CACNA2D4: variants seen among roughly 807,000 people sequenced by gnomAD.
CACNA2D4 encodes calcium voltage-gated channel auxiliary subunit alpha2delta 4.
In CACNA2D4, 157 loss-of-function variants were observed where a neutral mutation model predicts 163.8. The ratio of observed to expected loss-of-function variants is 0.96; its 90% confidence interval spans 0.84 to 1.09. The LOEUF (loss-of-function observed/expected upper bound fraction) is 1.09, where lower values mean the gene tolerates loss of function less well. CACNA2D4 is among the 50% of genes least tolerant of loss of function. The pLI is 0.00. For synonymous variants in CACNA2D4, 598 were observed against 586.9 expected (o/e 1.02, Z -0.27); for missense variants, 1,410 against 1,479.9 (o/e 0.95, Z 0.78).
At chr12:1,849,756 C>T (rs1865232459) in intron 23 of CACNA2D4, among the ~76,000 whole-genome samples, 1 of 152,122 alleles carries the variant, frequency 6.6e-6, no homozygotes, top group Non-Finnish European at 1.5e-5. Flanking sequence ...TGTGTACATA[C>T]ATATACGCAT....
chr12:1,910,474 G>C (rs1280455668), intron 3 of CACNA2D4, among the ~76,000 whole-genome samples: 1 of 152,092 alleles, frequency 6.6e-6, no homozygotes, highest in African/African-American at 2.4e-5. Context: ...GGGGAAGGCT[G>C]TGGCAACAGG....
At position 1,800,419 on chromosome 12, in the gene CACNA2D4, G is replaced by A. The variant is rs371263217; in HGVS notation, c.2888C>T (p.Thr963Met). Residue 963 changes from threonine (T) to methionine (M), a missense_variant, in exon 32 of 38, where the codon ACG becomes ATG. Thr to Met is a moderately conservative substitution (Grantham distance 81). Coordinates refer to ENST00000382722, the MANE Select transcript of CACNA2D4 (RefSeq NM_172364.5). Reference sequence around the variant, plus strand: ...CTCCTGCAGCAGCCACCTGGTCGCCGTCAAGAAGGCAGAAATTGGCTGGGA... The same window carrying A: ...CTCCTGCAGCAGCCACCTGGTCGCCATCAAGAAGGCAGAAATTGGCTGGGA... ...PLVSPISAFLTATRWLLQELV... is the reference protein window; with the variant it reads ...PLVSPISAFLMATRWLLQELV... 58 of 1,613,740 alleles carry A rather than the reference G, an allele frequency of 3.6e-5. No homozygotes were observed. The highest frequency in any genetic ancestry group is 3.9e-5 in the Non-Finnish European group (46 of 1,179,858).
Position 1,831,398 on chromosome 12 carries a change from G to A in CACNA2D4, c.2551+9341C>T, listed in dbSNP as rs769368815. The A allele has an allele frequency of 2.1e-5, 34 of 1,614,116 alleles. 1 individual carries two copies. The highest frequency in any genetic ancestry group is 2.9e-5 in the Non-Finnish European group (34 of 1,180,034). On this transcript the variant is annotated intron_variant, in intron 26 of 37. Coordinates refer to ENST00000382722, the MANE Select transcript of CACNA2D4 (RefSeq NM_172364.5). ...TCTCGCTTCGCTCCAACCGTCTGCA[G>A]AATCTGGACCGGCTGACATTTGAAC... is the stretch of plus-strand genomic sequence containing the variant.
At chr12:1,853,561 T>A (rs1865335448) in intron 23 of CACNA2D4, among the ~76,000 whole-genome samples, 1 of 152,176 alleles carries the variant, frequency 6.6e-6, no homozygotes, top group African/African-American at 2.4e-5. Context: ...GCCACTCATC[T>A]TCTTTCTACC....
At chr12:1,795,884 G>C (rs1361011832) in intron 35 of CACNA2D4, 104 bp from the exon 36 acceptor site, 2 of 790,452 alleles carry the variant, frequency 2.5e-6, no homozygotes, top group Non-Finnish European at 4.4e-6. Context: ...GGGTGGCAGG[G>C]AAGCCCGGAA....
At chr12:1,814,724 G>A (rs1468567557) in intron 26 of CACNA2D4, among the ~76,000 whole-genome samples, 1 of 152,164 alleles carries the variant, frequency 6.6e-6, no homozygotes, top group Non-Finnish European at 1.5e-5. Context: ...CCTTGGCCAA[G>A]CCAACATTGC....
At chr12:1,900,374 A>G (rs1163817686) in intron 6 of CACNA2D4, among the ~76,000 whole-genome samples, 1 of 152,194 alleles carries the variant, frequency 6.6e-6, no homozygotes. Context: ...GGCTGAAGCA[A>G]TCCTCCTGAC....
In CACNA2D4 at chr12:1,855,739, G is replaced by T. The variant is rs1865385461; in HGVS notation, c.2152+273C>A. Among the ~76,000 whole-genome samples, 3 of 152,232 alleles carry T rather than the reference G, an allele frequency of 2.0e-5. No homozygotes were observed. The South Asian group carries it at 6.2e-4, about 31-fold the overall frequency. ...TTTCTCCTGACCCTTAACAGAGCTT[G>T]GTGGATAGAGGCTGAAAAAGATCCC... On this transcript the variant is annotated intron_variant, in intron 22 of 37. Coordinates refer to ENST00000382722, the MANE Select transcript of CACNA2D4 (RefSeq NM_172364.5).
At chr12:1,821,765 CG>C (rs1449027482) in intron 26 of CACNA2D4, among the ~76,000 whole-genome samples, 1 of 152,154 alleles carries the variant, frequency 6.6e-6, no homozygotes, top group African/African-American at 2.4e-5. Context: ...GACCAGGAGT[CG>C]GAAGTTCACA....
intron 1 of CACNA2D4, chr12:1,915,301 G>T (rs1400880925): frequency 7.1e-6 from 5 of 701,752 alleles, no homozygotes; most frequent in Admixed American, 2.0e-5. Context: ...TCCTCGGCAG[G>T]TTCTCCTGCT....
rs33972365 is a variant in CACNA2D4 at position 1,840,773 on chromosome 12, C to T, written c.2517G>A (p.Ala839=). ...PMVVTASTAV[A]VTVDKRTAIA... ...TGGCTGTCCTCTTGTCCACGGTCAC[C>T]GCCACAGCTGTGCTTGCCGTCACCA... The change falls in exon 26 of 38, where the codon GCG becomes GCA. Residue 839 remains alanine (A), a synonymous_variant. Transcript: ENST00000382722. 170,612 of 1,613,590 alleles carry T rather than the reference C, an allele frequency of 0.11. 10,238 individuals carry two copies. Among genetic ancestry groups the T allele is most frequent in the African/African-American group, 0.24 (17,769 of 74,972 alleles).
At chr12:1,905,242 T>C (rs1592747597) in intron 6 of CACNA2D4, among the ~76,000 whole-genome samples, 1 of 151,998 alleles carries the variant, frequency 6.6e-6, no homozygotes, top group African/African-American at 2.4e-5. Context: ...GAAAATCACA[T>C]CCCAAATATC....
At chr12:1,870,128 C>T (rs960040011) in intron 18 of CACNA2D4, among the ~76,000 whole-genome samples, 1 of 152,150 alleles carries the variant, frequency 6.6e-6, no homozygotes, top group South Asian at 2.1e-4. Context: ...TCTGTGCTTT[C>T]AAAGGAAATC....
Position 1,800,553 on chromosome 12 carries a change from G to A in CACNA2D4, c.2869-115C>T, listed in dbSNP as rs777674053. ...AGAGAGTGGGCTGCCCTGCCACTGG[G>A]AGCAGGGGCAGCAGAGCACAGGCCA... is the stretch of plus-strand genomic sequence containing the variant. On this transcript the variant is annotated intron_variant, in intron 31 of 37. Coordinates refer to ENST00000382722, the MANE Select transcript of CACNA2D4 (RefSeq NM_172364.5). The A allele has an allele frequency of 1.3e-5, 13 of 1,031,572 alleles. No individual in the cohort carries two copies. In the African/African-American group the frequency reaches 2.1e-4, roughly 16 times the overall value. 63.9% of individuals were successfully genotyped at this position (1,031,572 alleles called of 1,614,324 possible). A position where few individuals can be genotyped will look rare whatever the true frequency, so the allele number is the denominator to read the frequency against.
At chr12:1,876,240 C>T (rs918632979) in intron 16 of CACNA2D4, among the ~76,000 whole-genome samples, 2 of 152,190 alleles carry the variant, frequency 1.3e-5, no homozygotes, top group Non-Finnish European at 2.9e-5. Context: ...TGGCATCTGC[C>T]TTCTGCATTT....
At chr12:1,905,389 A>G (rs978511341) in intron 6 of CACNA2D4, among the ~76,000 whole-genome samples, 2 of 152,138 alleles carry the variant, frequency 1.3e-5, no homozygotes, top group African/African-American at 4.8e-5. Flanking sequence ...GAAATAAATG[A>G]CATTCAAACT....
intron 1 of CACNA2D4, 88 bp from the exon 2 acceptor site, chr12:1,915,023 TAGAA>T (rs1229822173): frequency 4.1e-6 from 4 of 973,268 alleles, no homozygotes; most frequent in East Asian, 4.8e-5. Context: ...TTCACACACA[TAGAA>T]AGCCAGTGTC....
intron 30 of CACNA2D4, 110 bp from the exon 31 acceptor site, chr12:1,801,228 C>T: frequency 2.3e-6 from 2 of 860,596 alleles, no homozygotes; most frequent in Non-Finnish European, 3.9e-6. Context: ...CCCAAGGGCG[C>T]CTGAGCTAGG....
In CACNA2D4 at chr12:1,856,085, G is replaced by T. The variant is rs934555504; in HGVS notation, c.2079C>A (p.Asp693Glu). The T allele has an allele frequency of 1.2e-6, 2 of 1,614,008 alleles. No homozygotes were observed. Among genetic ancestry groups the T allele is most frequent in the East Asian group, 4.5e-5 (2 of 44,880 alleles). The change falls in exon 22 of 38, where the codon GAC becomes GAA. Residue 693 changes from aspartate (D) to glutamate (E), a missense_variant. Asp to Glu is a conservative substitution (Grantham distance 45, BLOSUM62 2). Coordinates refer to ENST00000382722, the MANE Select transcript of CACNA2D4 (RefSeq NM_172364.5). ...GDWIYCITDI[D>E]PDHRKLSQLE... is the part of the protein sequence containing the mutation. The stretch of plus-strand genomic sequence containing the variant: ...GCTGGCTGAGCTTCCGGTGGTCTGG[G>T]TCAATATCTGTGATGCAGTAGATCC...
Sources: allele counts gnomAD v4.1 joint callset (sites outside exome capture counted in the v4.1 genomes callset), GRCh38; gene constraint gnomAD v4.1.1; transcripts MANE v1.5; gene names NCBI Gene and HGNC (gene_info 2026-07-23, HGNC 2026-07-21).